Variants in NUP93 observed in about 807,000 individuals in gnomAD.
NUP93 encodes the protein nucleoporin 93.
NUP93 carries 55 observed loss-of-function variants against 107.8 expected under a neutral mutation model. That is an observed-to-expected ratio of 0.51 (90% CI 0.41 to 0.64). The LOEUF is 0.64. Among genes scored for constraint, NUP93 ranks in the 30% least tolerant of loss-of-function variants. The pLI, the probability that NUP93 is intolerant of heterozygous loss-of-function variation, is 0.00. For synonymous variants in NUP93, 390 were observed against 397.5 expected, an observed-to-expected ratio of 0.98 and a Z score of 0.22; for missense variants, 937 against 1,044.7, an observed-to-expected ratio of 0.90 and a Z score of 1.42.
chr16:56,750,043 C>A (rs1222398928), intron 2 of NUP93, among the ~76,000 whole-genome samples: 2 of 152,240 alleles, frequency 1.3e-5, no homozygotes, highest in African/African-American at 2.4e-5. Context: ...GCGAAAGGCC[C>A]ATGATGCCAT....
intron 3 of NUP93, among the ~76,000 whole-genome samples, chr16:56,781,360 C>A (rs1169516168): frequency 6.6e-6 from 1 of 152,068 alleles, no homozygotes; most frequent in East Asian, 1.9e-4. Flanking sequence ...TTTAAGATGG[C>A]GAATTTACTG....
At chr16:56,792,080 TTAGG>T (rs1330233718) in intron 3 of NUP93, among the ~76,000 whole-genome samples, 1 of 152,174 alleles carries the variant, frequency 6.6e-6, no homozygotes, top group African/African-American at 2.4e-5. Flanking sequence ...CTCCGGAGAC[TTAGG>T]TGGGAGGATC....
rs1430722800 is a variant in NUP93, at chr16:56,827,069, A to AAAAAAAAAAAAAAAAAAAAT, written c.795-1908_795-1907insAAAAAAAAAAAAAAAAAAAT. On this transcript the variant is annotated intron_variant, in intron 8 of 21. Transcript: ENST00000308159. ...CAAAAAAAAAAAAAAAAAAAAAAAA[A>AAAAAAAAAAAAAAAAAAAAT]TTTTGTTGAGTCTGTTTCCTGTTAT... Among the ~76,000 whole-genome samples the AAAAAAAAAAAAAAAAAAAAT allele has an allele frequency of 7.9e-4, 99 of 125,632 alleles. 8 individuals carry two copies. The highest frequency in any genetic ancestry group is 4.1e-3 in the Middle Eastern group (1 of 242). The allele number at this position is 125,632 out of a possible 152,430, so 82.4% of individuals were successfully genotyped here. A position where few individuals can be genotyped will look rare whatever the true frequency, so the allele number is the denominator to read the frequency against.
At chr16:56,830,383 G>A (rs536230061) in intron 9 of NUP93, 145 bp from the exon 10 acceptor site, 2 of 665,322 alleles carry the variant, frequency 3.0e-6, no homozygotes, top group Non-Finnish European at 4.7e-6. Flanking sequence ...ACAGGAAAAG[G>A]CTGTTAATGG....
Position 56,823,771 on chromosome 16 carries a change from A to G in NUP93, c.719A>G (p.Asp240Gly). ...GACGTGTTGTTGACACCGGCAACGG[A>G]TGCCCTGAAGAACCGCAGCAGCGTG... ...MTDVLLTPAT[D>G]ALKNRSSVEV... Residue 240 changes from aspartate to glycine, a missense_variant, in exon 8 of 22, where the codon GAT becomes GGT. Asp to Gly is a moderately conservative substitution (Grantham distance 94, BLOSUM62 -1). Transcript: ENST00000308159. 2 of 1,614,206 alleles carry G rather than the reference A, an allele frequency of 1.2e-6. No individual in the cohort carries two copies. The highest frequency in any genetic ancestry group is 2.2e-5 in the South Asian group (2 of 91,086).
At chr16:56,780,049 C>G (rs1235360998) in intron 3 of NUP93, among the ~76,000 whole-genome samples, 1 of 152,158 alleles carries the variant, frequency 6.6e-6, no homozygotes, top group Non-Finnish European at 1.5e-5. Flanking sequence ...TCAGAGAGGT[C>G]CCCCAGGATT....
At chr16:56,842,848 C>T (rs942898419) in intron 21 of NUP93, among the ~76,000 whole-genome samples, 36 of 152,148 alleles carry the variant, frequency 2.4e-4, no homozygotes, top group African/African-American at 5.3e-4. Flanking sequence ...CCACCGTTCC[C>T]GGCCCCACAA....
At chr16:56,800,572 G>A (rs377314197) in intron 4 of NUP93, among the ~76,000 whole-genome samples, 16 of 152,304 alleles carry the variant, frequency 1.1e-4, no homozygotes, top group African/African-American at 3.8e-4. Context: ...GCCAGCCTAG[G>A]GGGAGACCTT....
rs1298976036 is a variant in NUP93 at position 56,850,208 on chromosome 16, T to G, written c.*5599T>G. 1 of 152,240 alleles carries G rather than the reference T, an allele frequency of 6.6e-6. No individual in the cohort carries two copies. The highest frequency in any genetic ancestry group is 6.5e-5 in the Admixed American group (1 of 15,284). 9.4% of individuals were successfully genotyped at this position (152,240 alleles called of 1,614,324 possible). A position where few individuals can be genotyped will look rare whatever the true frequency, so the allele number is the denominator to read the frequency against. ...GTTCTGCATGTTCCTTTCTGTACAGTAACTTCTGCATTTACTCTGTTTAGG... is the reference window on the plus strand; with the variant it reads ...GTTCTGCATGTTCCTTTCTGTACAGGAACTTCTGCATTTACTCTGTTTAGG... On this transcript the variant is annotated 3_prime_UTR_variant, in exon 22 of 22. Coordinates refer to ENST00000308159, the MANE Select transcript of NUP93 (RefSeq NM_014669.5).
chr16:56,825,729 C>T (rs1436301584), intron 8 of NUP93, among the ~76,000 whole-genome samples: 3 of 152,054 alleles, frequency 2.0e-5, no homozygotes, highest in African/African-American at 7.2e-5. Context: ...TTTAATGGTG[C>T]TTCTTGGAGC....
chr16:56,810,323 G>A (rs547486906), intron 5 of NUP93, among the ~76,000 whole-genome samples: 1 of 152,164 alleles, frequency 6.6e-6, no homozygotes, highest in African/African-American at 2.4e-5. Flanking sequence ...ATGGAAAAGT[G>A]CACAGACGTA....
intron 3 of NUP93, among the ~76,000 whole-genome samples, chr16:56,769,874 C>G (rs906508764): frequency 6.6e-6 from 1 of 152,182 alleles, no homozygotes; most frequent in Admixed American, 6.5e-5. Context: ...TAAGCCCTGG[C>G]AGTGTGCCGG....
intron 4 of NUP93, among the ~76,000 whole-genome samples, chr16:56,801,597 G>A (rs1471338151): frequency 1.3e-5 from 2 of 152,274 alleles, no homozygotes; most frequent in East Asian, 3.9e-4. Flanking sequence ...ATTTTTAGTA[G>A]AGATGGGGTT....
At chr16:56,832,874 G>A (rs565962044) in intron 12 of NUP93, among the ~76,000 whole-genome samples, 1 of 152,112 alleles carries the variant, frequency 6.6e-6, no homozygotes, top group Admixed American at 6.5e-5. Flanking sequence ...TTCTCTCCTT[G>A]AGTGACTTAA....
At chr16:56,819,291 G>A (rs1280523181) in intron 6 of NUP93, among the ~76,000 whole-genome samples, 1 of 152,208 alleles carries the variant, frequency 6.6e-6, no homozygotes, top group Non-Finnish European at 1.5e-5. Context: ...CAGGAATTCT[G>A]TTGGACTGAA....
At position 56,844,641 on chromosome 16, in the gene NUP93, C is replaced by T. The variant is rs1964090705; in HGVS notation, c.*32C>T. The T allele has an allele frequency of 7.5e-6, 11 of 1,459,314 alleles. No individual in the cohort carries two copies. The East Asian group carries it at 2.7e-4, about 36-fold the overall frequency. The allele number at this position is 1,459,314 out of a possible 1,614,324, so 90.4% of individuals were successfully genotyped here. On this transcript the variant is annotated 3_prime_UTR_variant, in exon 22 of 22. Coordinates refer to ENST00000308159, the MANE Select transcript of NUP93 (RefSeq NM_014669.5). ...TGCTTTGTGGGAGTCTGGGTCGGCA[C>T]ACTGTCAGTACATCAGGCACATGGG...
At chr16:56,770,820 T>C (rs576995205) in intron 3 of NUP93, among the ~76,000 whole-genome samples, 3 of 151,978 alleles carry the variant, frequency 2.0e-5, no homozygotes, top group Admixed American at 6.5e-5. Context: ...TCCCAGCACT[T>C]TGGGAGGCCG....
chr16:56,834,369 G>A lies in NUP93; in HGVS notation c.1665-1G>A, dbSNP rs757489259. The A allele has an allele frequency of 1.2e-6, 2 of 1,614,226 alleles. No individual in the cohort carries two copies. The highest frequency in any genetic ancestry group is 1.7e-5 in the Admixed American group (1 of 60,032). ...AACTGAGTTGTTTATTTCCCTTACA[G>A]GGATGAGAAAGATAGTCAAGGAGAA... On this transcript the variant is annotated splice_acceptor_variant, in intron 14 of 21. Transcript: ENST00000308159. LOFTEE classifies it high-confidence loss of function.
chr16:56,805,593 A>C lies in NUP93; in HGVS notation c.450A>C (p.Ala150=). The part of the protein sequence containing the change: ...VKQRILHTLL[A]SGEDALDFTQ... ...AGCGAATTCTGCACACACTGCTGGC[A>C]TCAGGAGAAGACGCCCTTGACTTTA... is the stretch of plus-strand genomic sequence containing the variant. The change falls in exon 5 of 22, where the codon GCA becomes GCC. Residue 150 remains alanine (A), a synonymous_variant. Coordinates refer to ENST00000308159, the MANE Select transcript of NUP93 (RefSeq NM_014669.5). The C allele has an allele frequency of 6.2e-7, 1 of 1,614,160 alleles. No individual in the cohort carries two copies. Among genetic ancestry groups the C allele is most frequent in the South Asian group, 1.1e-5 (1 of 91,068 alleles).
Sources: allele counts gnomAD v4.1 joint callset (sites outside exome capture counted in the v4.1 genomes callset), GRCh38; gene constraint gnomAD v4.1.1; transcripts MANE v1.5; gene names NCBI Gene and HGNC (gene_info 2026-07-23, HGNC 2026-07-21).